The following SAMMSON variants were observed in gnomAD, a reference collection of about 807,000 sequenced individuals.
SAMMSON encodes survival associated mitochondrial melanoma specific oncogenic non-coding RNA.
chr3:70,410,990 A>T (rs1701213817), intron 2 of SAMMSON, among the ~76,000 whole-genome samples: 1 of 152,186 alleles, frequency 6.6e-6, no homozygotes, highest in African/African-American at 2.4e-5. Flanking sequence ...TGTCTCATTC[A>T]TTATTATATC....
At position 70,063,644 on chromosome 3, in the gene SAMMSON, C is replaced by T. The variant is rs186080561; in HGVS notation, n.418-7832C>T. Among the ~76,000 whole-genome samples, 4 of 152,246 alleles carry T rather than the reference C, an allele frequency of 2.6e-5. No homozygotes were observed. The East Asian group carries it at 7.8e-4, about 30-fold the overall frequency. ...TAGAGCTGCCACTGCATATCCCTGT[C>T]TCCATCTTTGCTGACTTTGTTTCCT... On this transcript the variant is annotated intron_variant and non_coding_transcript_variant, in intron 3 of 9. Transcript: ENST00000642114.
intron 3 of SAMMSON, among the ~76,000 whole-genome samples, chr3:70,026,463 G>A (rs1465351353): frequency 6.6e-6 from 1 of 151,680 alleles, no homozygotes; most frequent in Admixed American, 6.6e-5. Flanking sequence ...TTTCCTGCTG[G>A]TTAGTAAAGC....
At chr3:70,215,007 A>T (rs975381764) in intron 4 of SAMMSON, among the ~76,000 whole-genome samples, 5 of 152,160 alleles carry the variant, frequency 3.3e-5, no homozygotes, top group Non-Finnish European at 7.4e-5. Flanking sequence ...TTACATATAC[A>T]GTCAATTTTT....
chr3:70,227,061 G>A (rs757228658), intron 4 of SAMMSON, among the ~76,000 whole-genome samples: 2 of 152,114 alleles, frequency 1.3e-5, no homozygotes, highest in African/African-American at 4.8e-5. Flanking sequence ...GCAGACATAT[G>A]ATATAGATTC....
chr3:70,007,363 C>T (rs1272278498), intron 1 of SAMMSON, among the ~76,000 whole-genome samples: 1 of 152,166 alleles, frequency 6.6e-6, no homozygotes, highest in East Asian at 1.9e-4. Context: ...GATGGAATCT[C>T]ACTGTGGTTT....
chr3:70,125,922 C>G, intron 4 of SAMMSON: 4 of 724,778 alleles, frequency 5.5e-6, no homozygotes, highest in Middle Eastern at 2.5e-4. Flanking sequence ...CGTCTTCTGG[C>G]CAAGGAGGTT....
chr3:70,300,131 C>A (rs149064725), intron 7 of SAMMSON, among the ~76,000 whole-genome samples: 14 of 152,148 alleles, frequency 9.2e-5, no homozygotes, highest in African/African-American at 3.4e-4. Context: ...AATCGCATAT[C>A]TTCTTTGAAA....
chr3:70,005,158 C>T (rs2066921870), intron 1 of SAMMSON, among the ~76,000 whole-genome samples: 1 of 152,136 alleles, frequency 6.6e-6, no homozygotes, highest in Admixed American at 6.6e-5. Flanking sequence ...TTCACTCCTT[C>T]AATGAAATAT....
At chr3:70,281,933 T>C (rs1263110543) in intron 6 of SAMMSON, among the ~76,000 whole-genome samples, 2 of 152,204 alleles carry the variant, frequency 1.3e-5, no homozygotes, top group African/African-American at 4.8e-5. Flanking sequence ...AATTTTTGAT[T>C]GTACAGTAAC....
intron 4 of SAMMSON, among the ~76,000 whole-genome samples, chr3:70,089,755 TTAATAA>T (rs986788085): frequency 6.6e-6 from 1 of 152,148 alleles, no homozygotes. Flanking sequence ...GTTATTCTTG[TTAATAA>T]TAATGATGAT....
intron 4 of SAMMSON, among the ~76,000 whole-genome samples, chr3:70,226,200 T>A (rs1284736032): frequency 6.6e-6 from 1 of 152,192 alleles, no homozygotes; most frequent in Non-Finnish European, 1.5e-5. Context: ...TGAATCTTCA[T>A]AAAGTGCCAG....
intron 4 of SAMMSON, among the ~76,000 whole-genome samples, chr3:70,168,634 G>T (rs1042685146): frequency 6.6e-6 from 1 of 151,928 alleles, no homozygotes; most frequent in East Asian, 1.9e-4. Context: ...CATAGAATTG[G>T]TAGCCAACAT....
chr3:70,134,764 C>A (rs1396540846), intron 4 of SAMMSON, among the ~76,000 whole-genome samples: 2 of 151,942 alleles, frequency 1.3e-5, no homozygotes, highest in Admixed American at 6.6e-5. Context: ...TCTTTGGCCA[C>A]CTATTTTATT....
At chr3:70,078,692 C>T (rs2067257414) in intron 4 of SAMMSON, among the ~76,000 whole-genome samples, 1 of 152,122 alleles carries the variant, frequency 6.6e-6, no homozygotes, top group Non-Finnish European at 1.5e-5. Flanking sequence ...AATACCCCTG[C>T]AAATCTGGTT....
intron 3 of SAMMSON, chr3:70,065,235 T>G (rs969436617): frequency 2.6e-5 from 4 of 152,140 alleles, no homozygotes; most frequent in African/African-American, 9.7e-5. Context: ...TTCCTTTAAT[T>G]TCTGTCACAG....
rs762236232 is a variant in SAMMSON at position 70,429,079 on chromosome 3, G to GT, written n.234-33472dup. 2.1e-4 allele frequency among the ~76,000 whole-genome samples: 32 copies of GT among 151,122 alleles called. No individual in the cohort carries two copies. The South Asian group carries it at 2.3e-3, about 11-fold the overall frequency. On this transcript the variant is annotated intron_variant and non_coding_transcript_variant, in intron 2 of 3. Transcript: ENST00000641053. ...GGTATTGCCTAGGTTTTCTTCTAAG[G>GT]TTTTTTTTTATGGTTTTAGGTCTTA...
At chr3:70,387,017 T>C (rs1575638862) in intron 9 of SAMMSON, among the ~76,000 whole-genome samples, 1 of 151,932 alleles carries the variant, frequency 6.6e-6, no homozygotes, top group Non-Finnish European at 1.5e-5. Flanking sequence ...ATCTAGGGAA[T>C]TGAGGTATTA....
At chr3:70,201,474 T>C (rs1260985358) in intron 4 of SAMMSON, among the ~76,000 whole-genome samples, 3 of 152,200 alleles carry the variant, frequency 2.0e-5, no homozygotes, top group Non-Finnish European at 4.4e-5. Flanking sequence ...TGATTCCATG[T>C]CTTTGCTATT....
chr3:70,160,436 A>G (rs2067610299), intron 4 of SAMMSON, among the ~76,000 whole-genome samples: 1 of 150,420 alleles, frequency 6.6e-6, no homozygotes, highest in South Asian at 2.1e-4. Context: ...CAATTTGTTA[A>G]AACTCGAATT....
Sources: allele counts gnomAD v4.1 joint callset (sites outside exome capture counted in the v4.1 genomes callset), GRCh38; gene constraint gnomAD v4.1.1; transcripts MANE v1.5; gene names NCBI Gene and HGNC (gene_info 2026-07-23, HGNC 2026-07-21).